LRP4: variants seen among roughly 807,000 people sequenced by gnomAD.
LRP4 encodes low-density lipoprotein receptor-related protein 4.
In LRP4, 95 loss-of-function variants were observed where a neutral mutation model predicts 220.3. That is an observed-to-expected ratio of 0.43 (90% CI 0.37 to 0.51). LRP4 has a LOEUF of 0.51. Among genes scored for constraint, LRP4 ranks in the 20% least tolerant of loss-of-function variants. The pLI is 0.00. For synonymous variants in LRP4, 903 were observed against 954.6 expected (o/e 0.95, Z 1.00); for missense variants, 1,925 against 2,567.0 (o/e 0.75, Z 5.40).
chr11:46,881,615 A>C, intron 20 of LRP4, 87 bp downstream of exon 20: 2 of 1,315,062 alleles, frequency 1.5e-6, no homozygotes, highest in Non-Finnish European at 2.2e-6. Flanking sequence ...ATCAGCTGCC[A>C]GCCAAAAAGT....
intron 13 of LRP4, among the ~76,000 whole-genome samples, chr11:46,891,629 AT>A (rs920700096): frequency 1.3e-5 from 2 of 151,560 alleles, no homozygotes; most frequent in Non-Finnish European, 2.9e-5. Flanking sequence ...TTTAAATTTA[AT>A]TTTTTTTGAG....
At chr11:46,861,095 C>A (rs1328645027) in intron 37 of LRP4, 1 of 228,956 alleles carries the variant, frequency 4.4e-6, no homozygotes, top group African/African-American at 2.3e-5. Context: ...CTCCAGGAAC[C>A]CAAGAATCTT....
chr11:46,892,566 A>G (rs1392252590), intron 13 of LRP4, among the ~76,000 whole-genome samples: 1 of 133,832 alleles, frequency 7.5e-6, no homozygotes, highest in Non-Finnish European at 1.6e-5. Context: ...TATTAACATC[A>G]TACTTTTTTT....
chr11:46,893,968 C>T (rs1052394655), intron 12 of LRP4, among the ~76,000 whole-genome samples: 1 of 149,070 alleles, frequency 6.7e-6, no homozygotes, highest in South Asian at 2.1e-4. Context: ...CTCGGCTCAC[C>T]GCAACCTCCA....
In LRP4 at chr11:46,902,934, G is replaced by C. The variant is rs1463040970; in HGVS notation, c.53-5C>G. ...ACTCGGGGCTGCTGGCCAGGCCTGG[G>C]CGGAGGGAAAAGGAATCAGTGAGGG... On this transcript the variant is annotated splice_polypyrimidine_tract_variant and splice_region_variant and intron_variant, in intron 1 of 37. Transcript: ENST00000378623. 6.2e-7 allele frequency: 1 copy of C among 1,613,882 alleles called. No individual in the cohort carries two copies. The highest frequency in any genetic ancestry group is 8.5e-7 in the Non-Finnish European group (1 of 1,180,044).
chr11:46,899,147 T>C lies in LRP4; in HGVS notation c.548-115A>G, dbSNP rs1346226122. On this transcript the variant is annotated intron_variant, in intron 5 of 37. Coordinates refer to ENST00000378623, the MANE Select transcript of LRP4 (RefSeq NM_002334.4). This position sits in a 1 kb window ranked among gnomAD's most constrained non-coding sequence, Gnocchi z 5.9. ...GGCAGGAGAGCTTCTTCAAGTGAGATGTAACCAGGTTTCATCTGGGACAGC... is the reference window on the plus strand; with the variant it reads ...GGCAGGAGAGCTTCTTCAAGTGAGACGTAACCAGGTTTCATCTGGGACAGC... 4.6e-6 allele frequency: 5 copies of C among 1,078,752 alleles called. No homozygotes were observed. In the Admixed American group the frequency reaches 7.9e-5, roughly 17 times the overall value. 66.8% of individuals were successfully genotyped at this position (1,078,752 alleles called of 1,614,324 possible). A position where few individuals can be genotyped will look rare whatever the true frequency, so the allele number is the denominator to read the frequency against.
Position 46,878,828 on chromosome 11 carries a change from A to G in LRP4, c.3136+79T>C, listed in dbSNP as rs1941080354. ...CTCATGGTTTCTCAGACCACATTGG[A>G]GCCCATCTGCAAGGAAGGAAGAGAG... On this transcript the variant is annotated intron_variant, in intron 22 of 37. Coordinates refer to ENST00000378623, the MANE Select transcript of LRP4 (RefSeq NM_002334.4). 1.9e-6 allele frequency: 3 copies of G among 1,594,272 alleles called. No individual in the cohort carries two copies. In the African/African-American group the frequency reaches 4.0e-5, roughly 21 times the overall value.
chr11:46,877,467 T>A, intron 22 of LRP4, 128 bp from the exon 23 acceptor site: 3 of 989,178 alleles, frequency 3.0e-6, no homozygotes, highest in Non-Finnish European at 3.1e-6. Context: ...GCAAGTTATT[T>A]AAATTATTAT....
At chr11:46,892,596 G>A (rs1027423906) in intron 13 of LRP4, among the ~76,000 whole-genome samples, 4 of 142,908 alleles carry the variant, frequency 2.8e-5, no homozygotes, top group Admixed American at 7.2e-5. Context: ...TTTCGAGACA[G>A]AGTCTTGCTC....
intron 3 of LRP4, 124 bp from the exon 4 acceptor site, chr11:46,900,100 G>T: frequency 1.0e-6 from 1 of 977,600 alleles, no homozygotes; most frequent in Non-Finnish European, 1.6e-6. Flanking sequence ...GAAGGAGGTG[G>T]CTGCCTCTCA....
At chr11:46,892,164 C>G (rs1343910724) in intron 13 of LRP4, among the ~76,000 whole-genome samples, 3 of 152,322 alleles carry the variant, frequency 2.0e-5, no homozygotes, top group Admixed American at 6.5e-5. Context: ...AACTCCTGGA[C>G]TCAAGTGATC....
chr11:46,871,839 G>A (rs370075613), intron 30 of LRP4, among the ~76,000 whole-genome samples: 186 of 152,208 alleles, frequency 1.2e-3, no homozygotes, highest in Middle Eastern at 0.01. Flanking sequence ...GGCTGCTCTG[G>A]GGAGGCATAG....
chr11:46,875,104 C>T lies in LRP4; in HGVS notation c.3926-1G>A. 1 of 1,612,192 alleles carries T rather than the reference C, an allele frequency of 6.2e-7. No homozygotes were observed. The highest frequency in any genetic ancestry group is 8.5e-7 in the Non-Finnish European group (1 of 1,180,008). On this transcript the variant is annotated splice_acceptor_variant, in intron 27 of 37. Coordinates refer to ENST00000378623, the MANE Select transcript of LRP4 (RefSeq NM_002334.4). LOFTEE classifies it high-confidence loss of function. The surrounding 1 kb of genome is among the most constrained non-coding windows in gnomAD (Gnocchi z 4.5). The stretch of plus-strand genomic sequence containing the variant: ...TTTCTCGAGCCGCACTTGTTAAAAC[C>T]TGGTGATGAGAAGCACAAGTATTCA...
Position 46,876,526 on chromosome 11 carries a change from T to G in LRP4, c.3476A>C (p.Lys1159Thr). 1 of 1,614,194 alleles carries G rather than the reference T, an allele frequency of 6.2e-7. No individual in the cohort carries two copies. The highest frequency in any genetic ancestry group is 8.5e-7 in the Non-Finnish European group (1 of 1,180,050). The change falls in exon 25 of 38, where the codon AAA becomes ACA. Residue 1159 changes from lysine to threonine, a missense_variant. Around this residue, in one of 3 missense-constraint regions of LRP4, gnomAD observed 1,244 missense variants for 1,624.9 expected, o/e 0.77. Coordinates refer to ENST00000378623, the MANE Select transcript of LRP4 (RefSeq NM_002334.4). The part of the protein sequence containing the change: ...EVGNLDGSMR[K>T]VLVWQNLDSP... The stretch of plus-strand genomic sequence containing the variant: ...GTCAAGGTTCTGCCACACCAACACT[T>G]TCCGCATGGACCCGTCCAGGTTGCC...
rs60596634 is a variant in LRP4, at chr11:46,911,608, A to AAAAAAAAAAAAAAAAAAAG, written c.52+6719_52+6720insCTTTTTTTTTTTTTTTTTT. On this transcript the variant is annotated intron_variant, in intron 1 of 37. Coordinates refer to ENST00000378623, the MANE Select transcript of LRP4 (RefSeq NM_002334.4). ...TGTCTCAAAAAAAAAAAATAAATAA[A>AAAAAAAAAAAAAAAAAAAG]TAAATAAAAATAAAGTCTCTCTCCC... Among the ~76,000 whole-genome samples, 2 of 140,020 alleles carry AAAAAAAAAAAAAAAAAAAG rather than the reference A, an allele frequency of 1.4e-5. 1 individual carries two copies. The highest frequency in any genetic ancestry group is 5.5e-5 in the African/African-American group (2 of 36,364). 91.9% of individuals were successfully genotyped at this position (140,020 alleles called of 152,430 possible).
Position 46,858,828 on chromosome 11 carries a change from G to T in LRP4, c.*155C>A, listed in dbSNP as rs1023951338. On this transcript the variant is annotated 3_prime_UTR_variant, in exon 38 of 38. Transcript: ENST00000378623. ...TGCACAGGTAGTTATGGACTCACGT[G>T]GTAAACAGCTCCGGTGAAGGCTTAG... 7 of 735,804 alleles carry T rather than the reference G, an allele frequency of 9.5e-6. No individual in the cohort carries two copies. The African/African-American group carries it at 1.2e-4, about 13-fold the overall frequency. 45.6% of individuals were successfully genotyped at this position (735,804 alleles called of 1,614,324 possible).
intron 10 of LRP4, 136 bp from the exon 11 acceptor site, chr11:46,895,427 T>C: frequency 7.9e-7 from 1 of 1,270,844 alleles, no homozygotes; most frequent in South Asian, 1.2e-5. Flanking sequence ...AAGAAATGGT[T>C]AAGGGCGGCC....
intron 9 of LRP4, 59 bp downstream of exon 9, chr11:46,896,151 C>T (rs1182000980): frequency 1.9e-6 from 3 of 1,611,064 alleles, no homozygotes; most frequent in Non-Finnish European, 2.5e-6. Context: ...CCCTTTGAAC[C>T]CTATGGGTGG....
At chr11:46,909,611 CAA>C (rs71042636) in intron 1 of LRP4, among the ~76,000 whole-genome samples, 3 of 46,096 alleles carry the variant, frequency 6.5e-5, no homozygotes, top group African/African-American at 1.0e-4. Context: ...GACTCCGTCT[CAA>C]AAAAAAAAAA....
Sources: gnomAD v4.1 joint callset for allele counts (sites outside exome capture counted in the v4.1 genomes callset) on GRCh38, gnomAD v4.1.1 for gene constraint, gnomAD v4.1.1 regional missense constraint, Gnocchi (gnomAD v3.1) non-coding constraint, MANE v1.5 for transcripts, NCBI Gene and HGNC (gene_info 2026-07-23, HGNC 2026-07-21) for gene names.